Variants in CNTNAP2 observed in about 807,000 individuals in gnomAD.
CNTNAP2 encodes the protein contactin-associated protein-like 2.
In CNTNAP2, 98 loss-of-function variants were observed where a neutral mutation model predicts 155.2. The ratio of observed to expected loss-of-function variants is 0.63; its 90% CI spans 0.54 to 0.75. The LOEUF is 0.75. Among genes scored for constraint, CNTNAP2 ranks in the 30% least tolerant of loss-of-function variants. The pLI is 0.00. For missense variants in CNTNAP2, 1,727 were observed against 1,688.1 expected, an observed-to-expected ratio of 1.02 and a Z score of -0.40; for synonymous variants, 651 against 631.2, an observed-to-expected ratio of 1.03 and a Z score of -0.47.
intron 1 of CNTNAP2, among the ~76,000 whole-genome samples, chr7:146,603,266 G>A (rs1798980952): frequency 6.6e-6 from 1 of 150,984 alleles, no homozygotes; most frequent in African/African-American, 2.4e-5. Context: ...CAAAACATTA[G>A]CCGGGCGTGG....
At chr7:147,963,047 A>G (rs1307664516) in intron 14 of CNTNAP2, among the ~76,000 whole-genome samples, 1 of 50,240 alleles carries the variant, frequency 2.0e-5, no homozygotes, top group Non-Finnish European at 7.1e-5. Context: ...ATTTGCTTAT[A>G]ATACAGTTAT....
chr7:147,272,079 G>C (rs766405365), intron 8 of CNTNAP2, among the ~76,000 whole-genome samples: 2 of 152,090 alleles, frequency 1.3e-5, no homozygotes, highest in Admixed American at 6.5e-5. Context: ...TTTTAGTAGA[G>C]ATGGGGTCTC....
chr7:148,392,831 C>G (rs1295496635), intron 22 of CNTNAP2, among the ~76,000 whole-genome samples: 1 of 152,150 alleles, frequency 6.6e-6, no homozygotes, highest in Non-Finnish European at 1.5e-5. Context: ...ATATTAGGAA[C>G]TAGATGGAAC....
chr7:146,991,885 A>G (rs1466395553), intron 3 of CNTNAP2, among the ~76,000 whole-genome samples: 1 of 152,212 alleles, frequency 6.6e-6, no homozygotes, highest in Non-Finnish European at 1.5e-5. Flanking sequence ...GAATGCCTTT[A>G]CAAGAGTTCG....
At chr7:148,178,945 G>A (rs1794989102) in intron 18 of CNTNAP2, among the ~76,000 whole-genome samples, 1 of 152,152 alleles carries the variant, frequency 6.6e-6, no homozygotes, top group African/African-American at 2.4e-5. Context: ...GTATTGGATT[G>A]TCATTTCGGT....
chr7:146,939,793 C>G (rs1204213650), intron 3 of CNTNAP2, among the ~76,000 whole-genome samples: 1 of 152,006 alleles, frequency 6.6e-6, no homozygotes. Flanking sequence ...TACAAAAAAA[C>G]TAAAGGAATA....
chr7:148,383,031 G>C (rs1358477348), intron 21 of CNTNAP2, among the ~76,000 whole-genome samples: 1 of 152,164 alleles, frequency 6.6e-6, no homozygotes, highest in African/African-American at 2.4e-5. Flanking sequence ...GATTCACCAA[G>C]GCATGTGTTG....
intron 21 of CNTNAP2, among the ~76,000 whole-genome samples, chr7:148,342,544 T>A (rs914526697): frequency 6.6e-6 from 1 of 152,264 alleles, no homozygotes; most frequent in African/African-American, 2.4e-5. Flanking sequence ...TATCTGTGCA[T>A]ACATGCACAA....
chr7:146,323,398 C>T (rs1234862437), intron 1 of CNTNAP2, among the ~76,000 whole-genome samples: 1 of 151,822 alleles, frequency 6.6e-6, no homozygotes, highest in Non-Finnish European at 1.5e-5. Flanking sequence ...TCAAAAGACT[C>T]CGAGTATAAT....
At chr7:148,397,188 A>G (rs1799487460) in intron 22 of CNTNAP2, among the ~76,000 whole-genome samples, 2 of 152,366 alleles carry the variant, frequency 1.3e-5, no homozygotes, top group African/African-American at 4.8e-5. Flanking sequence ...TCCCTCAGCA[A>G]ACACTGACTG....
rs76738295 is a variant in CNTNAP2, at chr7:148,049,830, A to G, written c.2384-68288A>G. On this transcript the variant is annotated intron_variant, in intron 15 of 23. Coordinates refer to ENST00000361727, the MANE Select transcript of CNTNAP2 (RefSeq NM_014141.6). ...TTTGCTATATTATATTATACATTTT[A>G]TCATTCAAGTGTATTCCTTCTACTT... Among the ~76,000 whole-genome samples the G allele has an allele frequency of 5.1e-3, 782 of 152,348 alleles. 8 individuals carry two copies. Among genetic ancestry groups the G allele is most frequent in the African/African-American group, 0.018 (743 of 41,572 alleles).
chr7:146,357,912 C>CA (rs1240308107), intron 1 of CNTNAP2, among the ~76,000 whole-genome samples: 2 of 46,634 alleles, frequency 4.3e-5, no homozygotes, highest in African/African-American at 8.7e-4. Context: ...AAAGAATGCA[C>CA]CCCGCCCCCC....
intron 13 of CNTNAP2, among the ~76,000 whole-genome samples, chr7:147,883,109 G>A (rs1353360049): frequency 1.3e-5 from 2 of 152,090 alleles, no homozygotes; most frequent in Non-Finnish European, 2.9e-5. Context: ...ATTGAGTGTT[G>A]GCTATACCAG....
At chr7:147,353,709 G>A (rs895713099) in intron 9 of CNTNAP2, among the ~76,000 whole-genome samples, 2 of 152,060 alleles carry the variant, frequency 1.3e-5, no homozygotes, top group Non-Finnish European at 2.9e-5. Context: ...CTAGATCCTT[G>A]AGGAATGGCC....
rs539144152 is a variant in CNTNAP2 at position 146,426,141 on chromosome 7, G to A, written c.97+309168G>A. ...GCGGAGGCTGCAGCGAGCCAAGATC[G>A]CGCCACTGCACTCCAGCCTGGGCTA... is the stretch of plus-strand genomic sequence containing the variant. On this transcript the variant is annotated intron_variant, in intron 1 of 23. Coordinates refer to ENST00000361727, the MANE Select transcript of CNTNAP2 (RefSeq NM_014141.6). 1.4e-3 allele frequency among the ~76,000 whole-genome samples: 179 copies of A among 132,286 alleles called. 1 individual carries two copies. Among genetic ancestry groups the A allele is most frequent in the Middle Eastern group, 0.01 (2 of 194 alleles). 86.8% of individuals were successfully genotyped at this position (132,286 alleles called of 152,430 possible). A position where few individuals can be genotyped will look rare whatever the true frequency, so the allele number is the denominator to read the frequency against.
At chr7:148,222,239 C>A (rs1795759884) in intron 19 of CNTNAP2, among the ~76,000 whole-genome samples, 1 of 152,214 alleles carries the variant, frequency 6.6e-6, no homozygotes, top group Non-Finnish European at 1.5e-5. Context: ...TTGCTTGTAA[C>A]AGAATACGTG....
intron 15 of CNTNAP2, among the ~76,000 whole-genome samples, chr7:148,019,534 A>G (rs746464106): frequency 6.2e-4 from 95 of 152,128 alleles, no homozygotes; most frequent in Non-Finnish European, 8.8e-4. Flanking sequence ...ATCTTGGCTC[A>G]ATGCAACCAC....
intron 3 of CNTNAP2, among the ~76,000 whole-genome samples, chr7:146,869,810 G>C (rs1795270899): frequency 1.3e-5 from 2 of 152,056 alleles, no homozygotes; most frequent in African/African-American, 4.8e-5. Flanking sequence ...TTTTCTAGTT[G>C]CACTGTCAGC....
rs189035500 is a variant in CNTNAP2, at chr7:146,605,254, A to G, written c.98-169017A>G. Among the ~76,000 whole-genome samples the G allele has an allele frequency of 8.9e-4, 134 of 151,244 alleles. 1 individual carries two copies. Among genetic ancestry groups the G allele is most frequent in the African/African-American group, 3.0e-3 (124 of 41,330 alleles). On this transcript the variant is annotated intron_variant, in intron 1 of 23. Transcript: ENST00000361727. ...GTATGGCTAGAAACTAGGGCTGGCC[A>G]TTTTGTGTATTATTGTACTTGTTCC... is the stretch of plus-strand genomic sequence containing the variant.
Sources: allele counts gnomAD v4.1 joint callset (sites outside exome capture counted in the v4.1 genomes callset), GRCh38; gene constraint gnomAD v4.1.1; transcripts MANE v1.5; gene names NCBI Gene and HGNC (gene_info 2026-07-23, HGNC 2026-07-21).